The following SOS1 variants were observed in gnomAD, a reference collection of about 807,000 sequenced individuals.
SOS1 encodes the protein son of sevenless homolog 1.
In SOS1, 25 loss-of-function variants were observed where a neutral mutation model predicts 157.6. That is an observed-to-expected ratio of 0.16 (90% CI 0.12 to 0.22). SOS1 has a LOEUF of 0.22. Among genes scored for constraint, SOS1 ranks in the 10% least tolerant of loss-of-function variants. The pLI is 1.00. For missense variants in SOS1, 1,237 were observed against 1,599.1 expected (o/e 0.77, Z 3.86); for synonymous variants, 528 against 534.0 (o/e 0.99, Z 0.16).
rs778580742 is a variant in SOS1 at position 39,012,172 on chromosome 2, T to C, written c.2344A>G (p.Ile782Val). The change falls in exon 14 of 23, where the codon ATA becomes GTA. Residue 782 changes from isoleucine to valine, a missense_variant. Coordinates refer to ENST00000402219, the MANE Select transcript of SOS1 (RefSeq NM_005633.4). ...ETFDLLTLHP[I>V]EIARQLTLLE... is the part of the protein sequence containing the mutation. ...AAAGTGAGTTGTCGAGCAATTTCTA[T>C]TGGGTGTAAGGTGAGCAGGTCAAAA... is the stretch of plus-strand genomic sequence containing the variant. The C allele has an allele frequency of 2.5e-6, 4 of 1,613,632 alleles. No homozygotes were observed. Among genetic ancestry groups the C allele is most frequent in the African/African-American group, 1.3e-5 (1 of 74,890 alleles).
At position 39,027,834 on chromosome 2, in the gene SOS1, T is replaced by A. The variant is rs549017797; in HGVS notation, c.1075-3697A>T. Among the ~76,000 whole-genome samples, 61 of 151,648 alleles carry A rather than the reference T, an allele frequency of 4.0e-4. 1 individual carries two copies. The highest frequency in any genetic ancestry group is 7.5e-4 in the African/African-American group (31 of 41,462). ...CATCTAGGGAATCATATTATTATTT[T>A]TTTTTTTTTTTTGAGATGGAGTCTT... On this transcript the variant is annotated intron_variant, in intron 8 of 22. Transcript: ENST00000402219.
chr2:39,083,757 A>T (rs1248682880), intron 1 of SOS1, among the ~76,000 whole-genome samples: 1 of 152,246 alleles, frequency 6.6e-6, no homozygotes, highest in African/African-American at 2.4e-5. Flanking sequence ...AAGGATATAC[A>T]TACAAAGATT....
chr2:39,101,287 G>C (rs1672956899), intron 1 of SOS1, among the ~76,000 whole-genome samples: 1 of 152,132 alleles, frequency 6.6e-6, no homozygotes, highest in African/African-American at 2.4e-5. Flanking sequence ...CCATTCATGA[G>C]GGACCTGCCC....
chr2:39,067,491 C>T, intron 2 of SOS1, 137 bp downstream of exon 2: 6 of 813,628 alleles, frequency 7.4e-6, no homozygotes, highest in Non-Finnish European at 1.1e-5. Flanking sequence ...GATACTCAAC[C>T]TGTAAAGAGT....
chr2:39,030,910 T>C (rs997588963), intron 8 of SOS1, among the ~76,000 whole-genome samples: 1 of 152,014 alleles, frequency 6.6e-6, no homozygotes, highest in Non-Finnish European at 1.5e-5. Context: ...AACGTGAAGC[T>C]GTGAAGAAGC....
chr2:39,098,703 T>C (rs1042771135), intron 1 of SOS1, among the ~76,000 whole-genome samples: 10 of 152,044 alleles, frequency 6.6e-5, no homozygotes, highest in African/African-American at 2.4e-4. Flanking sequence ...TCCTGTCTAA[T>C]ACGGTGAAAC....
At chr2:39,091,786 G>A (rs146329628) in intron 1 of SOS1, among the ~76,000 whole-genome samples, 22 of 152,120 alleles carry the variant, frequency 1.4e-4, no homozygotes, top group African/African-American at 3.4e-4. Context: ...ATCCCTGCCC[G>A]CATCTCATCT....
At chr2:39,049,402 G>GATATCTAGA (rs1485283424) in intron 6 of SOS1, among the ~76,000 whole-genome samples, 2 of 152,096 alleles carry the variant, frequency 1.3e-5, no homozygotes. Flanking sequence ...TCTGTCTTTT[G>GATATCTAGA]ATATCTAGAA....
At chr2:39,078,216 T>C (rs1276454795) in intron 1 of SOS1, among the ~76,000 whole-genome samples, 2 of 152,318 alleles carry the variant, frequency 1.3e-5, no homozygotes, top group South Asian at 2.1e-4. Flanking sequence ...TTGTATTTAT[T>C]TGTATTCAAG....
intron 1 of SOS1, among the ~76,000 whole-genome samples, chr2:39,109,545 A>G (rs1673334030): frequency 6.6e-6 from 1 of 152,192 alleles, no homozygotes; most frequent in Non-Finnish European, 1.5e-5. Flanking sequence ...AAGGTTCAGG[A>G]CAATTAGAGC....
chr2:39,014,885 G>A, intron 10 of SOS1, 39 bp from the exon 11 acceptor site: 1 of 1,004,446 alleles, frequency 1.0e-6, no homozygotes, highest in South Asian at 1.3e-5. Flanking sequence ...TAAACTCTAT[G>A]ATTCAAAATG....
intron 15 of SOS1, among the ~76,000 whole-genome samples, chr2:39,008,446 G>A (rs1558466885): frequency 6.6e-6 from 1 of 152,316 alleles, no homozygotes; most frequent in East Asian, 1.9e-4. Context: ...TTGCAACAAA[G>A]TATAAAGTAG....
At chr2:39,081,701 T>G (rs1672206382) in intron 1 of SOS1, among the ~76,000 whole-genome samples, 1 of 151,874 alleles carries the variant, frequency 6.6e-6, no homozygotes, top group Non-Finnish European at 1.5e-5. Context: ...GGCGGGCGCC[T>G]GTAATCCCAG....
Position 39,091,745 on chromosome 2 carries a change from G to A in SOS1, c.88-23992C>T, listed in dbSNP as rs1006780105. Among the ~76,000 whole-genome samples the A allele has an allele frequency of 1.3e-5, 2 of 152,070 alleles. 1 individual carries two copies. Among genetic ancestry groups the A allele is most frequent in the South Asian group, 4.1e-4 (2 of 4,824 alleles). On this transcript the variant is annotated intron_variant, in intron 1 of 22. Transcript: ENST00000402219. ...ACCCAGGGCTGTCATGGTCACCAGG[G>A]GATGCCATTCTATAATACGGCCAGG...
chr2:39,039,975 C>T (rs1007281327), intron 6 of SOS1, among the ~76,000 whole-genome samples: 19 of 152,038 alleles, frequency 1.2e-4, no homozygotes, highest in African/African-American at 4.3e-4. Flanking sequence ...CAAAGTTCAT[C>T]CATGTTGTAG....
intron 1 of SOS1, among the ~76,000 whole-genome samples, chr2:39,118,677 T>C (rs1334027437): frequency 6.6e-6 from 1 of 152,242 alleles, no homozygotes; most frequent in Non-Finnish European, 1.5e-5. Context: ...CTCGCTTGAA[T>C]ACAGGCCCTA....
At chr2:39,104,436 G>C (rs943720263) in intron 1 of SOS1, among the ~76,000 whole-genome samples, 16 of 152,124 alleles carry the variant, frequency 1.1e-4, no homozygotes, top group Non-Finnish European at 7.3e-5. Context: ...AACTAAGATG[G>C]GATAAGAAAA....
chr2:38,995,108 A>G lies in SOS1; in HGVS notation c.3346+15T>C. On this transcript the variant is annotated intron_variant, in intron 20 of 22. Coordinates refer to ENST00000402219, the MANE Select transcript of SOS1 (RefSeq NM_005633.4). ...CTAACAAATACCTTAATGCACTTAG[A>G]ATTTTTGCACCTACTTGAGTGAAAA... 5.0e-6 allele frequency: 8 copies of G among 1,612,342 alleles called. No individual in the cohort carries two copies. The highest frequency in any genetic ancestry group is 6.8e-6 in the Non-Finnish European group (8 of 1,178,586).
intron 6 of SOS1, among the ~76,000 whole-genome samples, chr2:39,049,284 A>T (rs1670915968): frequency 6.6e-6 from 1 of 152,242 alleles, no homozygotes; most frequent in South Asian, 2.1e-4. Flanking sequence ...TTCTCAGTGA[A>T]GTCCTCAATT....
Sources: allele counts gnomAD v4.1 joint callset (sites outside exome capture counted in the v4.1 genomes callset), GRCh38; gene constraint gnomAD v4.1.1; transcripts MANE v1.5; gene names NCBI Gene and HGNC (gene_info 2026-07-23, HGNC 2026-07-21).